Variants in NUP153 observed in about 807,000 individuals in gnomAD.
The protein encoded by NUP153 is nucleoporin 153, also known as nuclear pore complex protein Nup153.
In NUP153, 27 loss-of-function variants were observed where a neutral mutation model predicts 134.6. The ratio of observed to expected loss-of-function variants is 0.20; its 90% CI spans 0.15 to 0.28. The LOEUF is 0.28. Ranked by LOEUF, NUP153 falls within the 10% of genes least tolerant of loss-of-function variation. The pLI is 1.00. For synonymous variants in NUP153, 640 were observed against 623.5 expected (o/e 1.03, Z -0.40); for missense variants, 1,821 against 1,731.3 (o/e 1.05, Z -0.92).
rs1429100679 is a variant in NUP153, at chr6:17,674,971, T to C, written c.786A>G (p.Gly262=). The change falls in exon 5 of 22, where the codon GGA becomes GGG. Residue 262 remains glycine (G), a synonymous_variant. Coordinates refer to ENST00000262077, the MANE Select transcript of NUP153 (RefSeq NM_005124.4). ...CTGCTGCCCCACCGTATGTTGTTTTTCCAGGATAAAAAGGAGAATCTCCAA... is the reference window on the plus strand; with the variant it reads ...CTGCTGCCCCACCGTATGTTGTTTTCCCAGGATAAAAAGGAGAATCTCCAA... ...SQLGDSPFYP[G]KTTYGGAAAA... is the part of the protein sequence containing the mutation. 8 of 1,613,852 alleles carry C rather than the reference T, an allele frequency of 5.0e-6. No homozygotes were observed. The highest frequency in any genetic ancestry group is 4.0e-5 in the African/African-American group (3 of 75,004).
chr6:17,701,839 G>GC (rs1211251258), intron 1 of NUP153, among the ~76,000 whole-genome samples: 2 of 105,398 alleles, frequency 1.9e-5, no homozygotes, highest in Admixed American at 1.9e-4. Context: ...TCTCGGGGGG[G>GC]GGGGGAAAAA....
intron 5 of NUP153, among the ~76,000 whole-genome samples, chr6:17,673,043 A>G (rs1032543319): frequency 2.0e-5 from 3 of 152,124 alleles, no homozygotes; most frequent in African/African-American, 4.8e-5. Context: ...ATACACACAC[A>G]CGCACACACA....
chr6:17,701,873 T>C (rs1462987716), intron 1 of NUP153, among the ~76,000 whole-genome samples: 2 of 145,470 alleles, frequency 1.4e-5, no homozygotes, highest in African/African-American at 5.1e-5. Context: ...AACTGACTTG[T>C]AAGACAAACT....
chr6:17,631,704 C>T (rs960539200), intron 17 of NUP153, among the ~76,000 whole-genome samples: 15 of 152,214 alleles, frequency 9.9e-5, no homozygotes, highest in African/African-American at 3.1e-4. Context: ...TGTTGGCTCA[C>T]GCCTGTAATC....
intron 20 of NUP153, among the ~76,000 whole-genome samples, chr6:17,619,887 CA>C (rs1395609298): frequency 2.0e-5 from 3 of 151,988 alleles, no homozygotes; most frequent in African/African-American, 7.2e-5. Flanking sequence ...CACCTGAGGT[CA>C]GGAGTTCGAG....
chr6:17,653,486 A>G (rs180921149), intron 11 of NUP153, among the ~76,000 whole-genome samples: 5 of 152,342 alleles, frequency 3.3e-5, no homozygotes, highest in Admixed American at 1.3e-4. Context: ...AAAATGGCAC[A>G]CTTTAGAAAA....
chr6:17,621,967 T>G (rs2113762918), intron 20 of NUP153, among the ~76,000 whole-genome samples: 1 of 152,182 alleles, frequency 6.6e-6, no homozygotes, highest in East Asian at 1.9e-4. Flanking sequence ...AAAATATTTT[T>G]TTAAAGTTTT....
chr6:17,645,671 A>G (rs975800994), intron 14 of NUP153, among the ~76,000 whole-genome samples: 1 of 152,138 alleles, frequency 6.6e-6, no homozygotes, highest in African/African-American at 2.4e-5. Flanking sequence ...CATAACCTTT[A>G]TACATAAAAA....
chr6:17,682,341 G>A (rs573881456), intron 2 of NUP153, among the ~76,000 whole-genome samples: 17 of 152,182 alleles, frequency 1.1e-4, no homozygotes, highest in African/African-American at 4.1e-4. Flanking sequence ...GATGGCTACT[G>A]ACTGATCAGG....
intron 20 of NUP153, among the ~76,000 whole-genome samples, chr6:17,620,602 G>T (rs1301429652): frequency 6.6e-6 from 1 of 152,210 alleles, no homozygotes; most frequent in African/African-American, 2.4e-5. Flanking sequence ...CAACCGAGAG[G>T]CCACATGTAG....
At chr6:17,618,662 T>C (rs1406688817) in intron 20 of NUP153, among the ~76,000 whole-genome samples, 2 of 151,090 alleles carry the variant, frequency 1.3e-5, no homozygotes, top group South Asian at 2.1e-4. Context: ...ACCTCCCGAG[T>C]TCACGCCATT....
intron 21 of NUP153, 109 bp from the exon 22 acceptor site, chr6:17,616,290 G>GGGGGGGGGGGGGGGGGGGGCCCC: frequency 4.2e-6 from 2 of 473,888 alleles, no homozygotes; most frequent in Non-Finnish European, 7.8e-6. Flanking sequence ...GGTGGGGGGG[G>GGGGGGGGGGGGGGGGGGGGCCCC]AGTAGACTCA....
Position 17,675,375 on chromosome 6 carries a change from C to T in NUP153, c.584-7G>A, listed in dbSNP as rs935261067. 13 of 1,612,570 alleles carry T rather than the reference C, an allele frequency of 8.1e-6. No individual in the cohort carries two copies. Among genetic ancestry groups the T allele is most frequent in the Non-Finnish European group, 1.1e-5 (13 of 1,179,298 alleles). ...TTCTTTGAAACAGTTATATCTGAAA[C>T]AAAATTACATAATCCATAGTAATAA... is the stretch of plus-strand genomic sequence containing the variant. On this transcript the variant is annotated splice_polypyrimidine_tract_variant and splice_region_variant and intron_variant, in intron 3 of 21. Coordinates refer to ENST00000262077, the MANE Select transcript of NUP153 (RefSeq NM_005124.4). The surrounding 1 kb of genome is among the most constrained non-coding windows in gnomAD (Gnocchi z 4.4).
rs1241107623 is a variant in NUP153, at chr6:17,616,706, T to G, written c.4175-11A>C. On this transcript the variant is annotated splice_polypyrimidine_tract_variant and intron_variant, in intron 20 of 21. Coordinates refer to ENST00000262077, the MANE Select transcript of NUP153 (RefSeq NM_005124.4). Reference sequence around the variant, plus strand: ...ACTGGAAAGCCGAACCTGCAATAGTTAAAGCAGAAATACTTCATTAGGGCA... The same window carrying G: ...ACTGGAAAGCCGAACCTGCAATAGTGAAAGCAGAAATACTTCATTAGGGCA... 2 of 1,605,750 alleles carry G rather than the reference T, an allele frequency of 1.2e-6. No homozygotes were observed. The highest frequency in any genetic ancestry group is 3.4e-5 in the Admixed American group (2 of 59,014).
chr6:17,683,099 TGA>T (rs201397162), intron 2 of NUP153, among the ~76,000 whole-genome samples: 2,240 of 152,248 alleles, frequency 0.015, 52 homozygotes, highest in African/African-American at 0.052. Flanking sequence ...ACTGAAGTCC[TGA>T]ACCCCTCAAA....
chr6:17,684,440 A>G (rs1167226618), intron 2 of NUP153, among the ~76,000 whole-genome samples: 1 of 152,184 alleles, frequency 6.6e-6, no homozygotes, highest in African/African-American at 2.4e-5. Context: ...CACAGAACTG[A>G]AGGGAGTTAG....
Position 17,637,367 on chromosome 6 carries a change from A to G in NUP153, c.2250T>C (p.Pro750=), listed in dbSNP as rs946672352. ...TAAGGGCTCGCTTCACACAAGTTCC[A>G]GGTTTCGGTGTTTCACAGGCTACAC... is the stretch of plus-strand genomic sequence containing the variant. ...IKCVACETPK[P]GTCVKRALTL... The change falls in exon 16 of 22, where the codon CCT becomes CCC. Residue 750 remains proline, a synonymous_variant. Transcript: ENST00000262077. 5 of 1,614,206 alleles carry G rather than the reference A, an allele frequency of 3.1e-6. No homozygotes were observed. The East Asian group carries it at 1.1e-4, about 36-fold the overall frequency.
chr6:17,675,587 G>A lies in NUP153; in HGVS notation c.518C>T (p.Thr173Ile), dbSNP rs760050946. The part of the protein sequence containing the change: ...FSLVKEIKDS[T>I]SQHDDDNIST... The stretch of plus-strand genomic sequence containing the variant: ...GATGTTATCATCATCATGCTGAGAG[G>A]TAGAATCTTTAATTTCCTTTACAAG... The change falls in exon 3 of 22, where the codon ACC becomes ATC. Residue 173 changes from threonine to isoleucine, a missense_variant. Coordinates refer to ENST00000262077, the MANE Select transcript of NUP153 (RefSeq NM_005124.4). This position sits in a 1 kb window ranked among gnomAD's most constrained non-coding sequence, Gnocchi z 4.4. The A allele has an allele frequency of 5.0e-6, 8 of 1,613,758 alleles. No individual in the cohort carries two copies. The highest frequency in any genetic ancestry group is 1.3e-5 in the African/African-American group (1 of 74,920).
chr6:17,637,378 T>C lies in NUP153; in HGVS notation c.2239A>G (p.Thr747Ala). The change falls in exon 16 of 22, where the codon ACA becomes GCA. Residue 747 changes from threonine to alanine, a missense_variant. Coordinates refer to ENST00000262077, the MANE Select transcript of NUP153 (RefSeq NM_005124.4). ...TTCACACAAGTTCCAGGTTTCGGTG[T>C]TTCACAGGCTACACATTTTATTGCT... ...PEAIKCVACE[T>A]PKPGTCVKRA... is the part of the protein sequence containing the mutation. The C allele has an allele frequency of 3.1e-6, 5 of 1,614,206 alleles. 1 individual carries two copies. In the South Asian group the frequency reaches 4.4e-5, roughly 14 times the overall value.
Sources: gnomAD v4.1 joint callset for allele counts (sites outside exome capture counted in the v4.1 genomes callset) on GRCh38, gnomAD v4.1.1 for gene constraint, Gnocchi (gnomAD v3.1) non-coding constraint, MANE v1.5 for transcripts, NCBI Gene and HGNC (gene_info 2026-07-23, HGNC 2026-07-21) for gene names.